Variants in ITGA11 observed in about 807,000 individuals in gnomAD.
ITGA11 encodes integrin subunit alpha 11.
ITGA11 carries 97 observed loss-of-function variants against 141.9 expected under a neutral mutation model. That is an observed-to-expected ratio of 0.68 (90% CI 0.58 to 0.81). The LOEUF (loss-of-function observed/expected upper bound fraction) is 0.81, where lower values mean the gene tolerates loss of function less well. Among genes scored for constraint, ITGA11 ranks in the 30% least tolerant of loss-of-function variants. The pLI is 0.00. For synonymous variants in ITGA11, 658 were observed against 624.6 expected, an observed-to-expected ratio of 1.05 and a Z score of -0.80; for missense variants, 1,387 against 1,559.2, an observed-to-expected ratio of 0.89 and a Z score of 1.86.
intron 1 of ITGA11, among the ~76,000 whole-genome samples, chr15:68,407,470 T>C (rs1032503095): frequency 5.3e-5 from 8 of 152,184 alleles, no homozygotes; most frequent in African/African-American, 1.9e-4. Flanking sequence ...CCTCCTTTTA[T>C]GGTAGATGGG....
intron 2 of ITGA11, among the ~76,000 whole-genome samples, chr15:68,390,834 G>A (rs950104933): frequency 1.3e-5 from 2 of 152,246 alleles, no homozygotes; most frequent in Non-Finnish European, 2.9e-5. Flanking sequence ...GGTTGGCAGA[G>A]GTTCTCCCAA....
intron 1 of ITGA11, among the ~76,000 whole-genome samples, chr15:68,403,317 G>C (rs2140413776): frequency 6.6e-6 from 1 of 152,304 alleles, no homozygotes; most frequent in South Asian, 2.1e-4. Context: ...GATTCCCAAT[G>C]TTGGAGGTAG....
chr15:68,385,325 C>G (rs1054832098), intron 2 of ITGA11, among the ~76,000 whole-genome samples: 4 of 152,240 alleles, frequency 2.6e-5, no homozygotes, highest in Non-Finnish European at 4.4e-5. Context: ...AGACAGCACT[C>G]TATGCCTGTG....
At chr15:68,330,103 T>G (rs915322510) in intron 15 of ITGA11, among the ~76,000 whole-genome samples, 6 of 152,246 alleles carry the variant, frequency 3.9e-5, no homozygotes, top group Admixed American at 3.9e-4. Context: ...TCACTTCTGC[T>G]TCTAGGATTG....
chr15:68,401,427 T>C (rs756119366), intron 2 of ITGA11, among the ~76,000 whole-genome samples: 18 of 152,286 alleles, frequency 1.2e-4, no homozygotes, highest in South Asian at 2.1e-4. Flanking sequence ...AGCAGCGTTA[T>C]TTGAAATAGC....
At chr15:68,361,470 G>A in intron 5 of ITGA11, 120 bp downstream of exon 5, 1 of 670,810 alleles carries the variant, frequency 1.5e-6, no homozygotes, top group Non-Finnish European at 2.7e-6. Flanking sequence ...CGGAGAGCTG[G>A]GGCAGGACAG....
At position 68,413,720 on chromosome 15, in the gene ITGA11, C is replaced by T. The variant is rs575871768; in HGVS notation, c.53-10691G>A. 1.6e-4 allele frequency among the ~76,000 whole-genome samples: 25 copies of T among 152,298 alleles called. No individual in the cohort carries two copies. In the East Asian group the frequency reaches 4.4e-3, roughly 27 times the overall value. On this transcript the variant is annotated intron_variant, in intron 1 of 29. Transcript: ENST00000315757. ...TGTCAGTGAGGTTCCCTTGGGCAGA[C>T]GCCAGCTGACTTCCAGTTGTCGGCA...
At chr15:68,394,574 T>C (rs916674367) in intron 2 of ITGA11, among the ~76,000 whole-genome samples, 3 of 151,598 alleles carry the variant, frequency 2.0e-5, no homozygotes, top group Non-Finnish European at 4.4e-5. Context: ...ATGGAAGAAA[T>C]AATTAAAATG....
chr15:68,376,148 A>G (rs1160423928), intron 2 of ITGA11, among the ~76,000 whole-genome samples: 2 of 152,158 alleles, frequency 1.3e-5, no homozygotes, highest in Non-Finnish European at 2.9e-5. Context: ...ACTGGGCTCA[A>G]AGCCCCAGAT....
intron 2 of ITGA11, among the ~76,000 whole-genome samples, chr15:68,378,768 C>A (rs1246038411): frequency 2.0e-5 from 3 of 152,236 alleles, no homozygotes; most frequent in African/African-American, 7.2e-5. Flanking sequence ...ACAGGCTACC[C>A]TGATGGCTGG....
chr15:68,359,297 C>T (rs950818160), intron 5 of ITGA11, among the ~76,000 whole-genome samples: 6 of 152,170 alleles, frequency 3.9e-5, no homozygotes, highest in South Asian at 2.1e-4. Flanking sequence ...GTCAAGCTCT[C>T]GTGCCATTAT....
rs570517606 is a variant in ITGA11 at position 68,313,863 on chromosome 15, C to T, written c.2798G>A (p.Ser933Asn). The change falls in exon 23 of 30, where the codon AGT becomes AAT. Residue 933 changes from serine (S) to asparagine (N), a missense_variant. By Grantham distance (46) the Ser-to-Asn change is conservative. Transcript: ENST00000315757. ...LEIELAAGSD[S>N]NERDSTKEDN... ...TTCCTTGGTGCTGTCCCGCTCATTA[C>T]TGTCACTGCAAGGAGAGCCAGGCGG... The T allele has an allele frequency of 2.0e-4, 327 of 1,613,672 alleles. No individual in the cohort carries two copies. The highest frequency in any genetic ancestry group is 2.7e-4 in the Non-Finnish European group (320 of 1,179,700).
At chr15:68,344,640 G>A (rs936072981) in intron 10 of ITGA11, among the ~76,000 whole-genome samples, 1 of 151,886 alleles carries the variant, frequency 6.6e-6, no homozygotes, top group African/African-American at 2.4e-5. Flanking sequence ...GGAGAAAGAG[G>A]ACTACAAATA....
Position 68,403,010 on chromosome 15 carries a change from G to A in ITGA11, c.72C>T (p.Asn24=), listed in dbSNP as rs11629460. 191,352 of 1,610,804 alleles carry A rather than the reference G, an allele frequency of 0.12. 13,176 individuals are homozygous for A. Among genetic ancestry groups the A allele is most frequent in the Non-Finnish European group, 0.14 (166,309 of 1,177,234 alleles). The change falls in exon 2 of 30, where the codon AAC becomes AAT. Residue 24 remains asparagine (N), a synonymous_variant. Transcript: ENST00000315757. The part of the protein sequence containing the change: ...SLWPGFTDTF[N]MDTRKPRVIP... Reference sequence around the variant, plus strand: ...TGACCCGGGGCTTCCTGGTGTCCATGTTGAAGGTGTCCGTGAACCCTGAGG... The same window carrying A: ...TGACCCGGGGCTTCCTGGTGTCCATATTGAAGGTGTCCGTGAACCCTGAGG...
At chr15:68,351,979 A>T (rs1466515904) in intron 7 of ITGA11, among the ~76,000 whole-genome samples, 1 of 151,890 alleles carries the variant, frequency 6.6e-6, no homozygotes, top group Non-Finnish European at 1.5e-5. Flanking sequence ...ACTACTCGGG[A>T]GGCTGAGGCA....
rs147857575 is a variant in ITGA11, at chr15:68,304,133, C to T, written c.3382-248G>A. 6.1e-3 allele frequency among the ~76,000 whole-genome samples: 927 copies of T among 152,228 alleles called. 5 individuals are homozygous for T. The highest frequency in any genetic ancestry group is 0.024 in the Middle Eastern group (7 of 294). ...CCTTGAGACACTTGCTGCCTTTGGC[C>T]TCAGGCCCCCGCCACTCCCTGGATC... On this transcript the variant is annotated intron_variant, in intron 28 of 29. Coordinates refer to ENST00000315757, the MANE Select transcript of ITGA11 (RefSeq NM_001004439.2). This position sits in a 1 kb window ranked among gnomAD's most constrained non-coding sequence, Gnocchi z 6.1.
chr15:68,327,766 A>G (rs2140298031), intron 16 of ITGA11, among the ~76,000 whole-genome samples: 1 of 53,216 alleles, frequency 1.9e-5, no homozygotes, highest in Admixed American at 2.4e-4. Flanking sequence ...GTCTGCATCC[A>G]GGCAGACTTC....
At chr15:68,423,504 G>A (rs956521801) in intron 1 of ITGA11, among the ~76,000 whole-genome samples, 6 of 152,184 alleles carry the variant, frequency 3.9e-5, no homozygotes, top group Non-Finnish European at 7.3e-5. Context: ...GGCGTGTGCA[G>A]GTGCCCAAAC....
chr15:68,374,504 C>T (rs1161476593), intron 2 of ITGA11, among the ~76,000 whole-genome samples: 1 of 152,268 alleles, frequency 6.6e-6, no homozygotes, highest in East Asian at 1.9e-4. Flanking sequence ...GACTAGTACA[C>T]GGTGTCCTGA....
Sources: allele counts gnomAD v4.1 joint callset (sites outside exome capture counted in the v4.1 genomes callset), GRCh38; gene constraint gnomAD v4.1.1; non-coding constraint Gnocchi (gnomAD v3.1); transcripts MANE v1.5; gene names NCBI Gene and HGNC (gene_info 2026-07-23, HGNC 2026-07-21).